Variants in DACH2 observed in about 807,000 individuals in gnomAD.
DACH2 encodes dachshund homolog 2.
Under a neutral mutation model 35.8 loss-of-function variants are expected in DACH2, and 17 were observed. The observed-to-expected ratio is 0.48, with a 90% CI of 0.33 to 0.71. The LOEUF (loss-of-function observed/expected upper bound fraction) is 0.71. Among genes scored for constraint, DACH2 ranks in the 30% least tolerant of loss-of-function variants. The pLI, the probability that DACH2 is intolerant of heterozygous loss-of-function variation, is 0.02. For synonymous variants in DACH2, 195 were observed against 177.3 expected, an observed-to-expected ratio of 1.10 and a Z score of -0.79; for missense variants, 469 against 472.7, an observed-to-expected ratio of 0.99 and a Z score of 0.07.
intron 1 of DACH2, among the ~76,000 whole-genome samples, chrX:86,312,063 G>A (rs1220700048): frequency 9.0e-6 from 1 of 111,583 alleles, no homozygotes; most frequent in Non-Finnish European, 1.9e-5. Context: ...CTTGCTGAAG[G>A]CAACAGGAAT....
chrX:86,381,051 A>G (rs2036039196), intron 2 of DACH2, among the ~76,000 whole-genome samples: 1 of 109,818 alleles, frequency 9.1e-6, no homozygotes, highest in African/African-American at 3.3e-5. Flanking sequence ...ACCGTGCTGT[A>G]ATGGTCATGT....
intron 1 of DACH2, among the ~76,000 whole-genome samples, chrX:86,245,942 C>T (rs951107600): frequency 1.2e-4 from 13 of 111,308 alleles, no homozygotes; most frequent in African/African-American, 6.5e-5. Flanking sequence ...TAAAATGTTA[C>T]AAGAGCTGCA....
intron 2 of DACH2, among the ~76,000 whole-genome samples, chrX:86,485,955 T>A (rs2038013343): frequency 1.8e-5 from 2 of 112,102 alleles, no homozygotes; most frequent in South Asian, 7.4e-4. Flanking sequence ...CACTACCTGC[T>A]GTGTGACCTT....
intron 6 of DACH2, among the ~76,000 whole-genome samples, chrX:86,722,889 CT>C (rs1602851926): frequency 1.8e-5 from 2 of 111,269 alleles, no homozygotes; most frequent in African/African-American, 6.5e-5. Flanking sequence ...TCCTCCTCAA[CT>C]TTTTGTAACA....
chrX:86,653,187 G>A (rs757653234), intron 4 of DACH2, among the ~76,000 whole-genome samples: 64 of 111,982 alleles, frequency 5.7e-4, no homozygotes, highest in African/African-American at 1.8e-3. Flanking sequence ...ATTGAATAGG[G>A]TGTCCTTTTC....
intron 3 of DACH2, among the ~76,000 whole-genome samples, chrX:86,545,336 T>A (rs2038942564): frequency 9.0e-6 from 1 of 111,000 alleles, no homozygotes; most frequent in Admixed American, 9.6e-5. Context: ...TAACTTACAA[T>A]TTGGAGCTGA....
chrX:86,624,047 C>CAAAAAAA (rs1466830603), intron 3 of DACH2, among the ~76,000 whole-genome samples: 3 of 16,339 alleles, frequency 1.8e-4, no homozygotes, highest in African/African-American at 5.7e-4. Context: ...AACTCCGTCT[C>CAAAAAAA]AAAAAAACAA....
chrX:86,401,517 G>T (rs775959598), intron 2 of DACH2, among the ~76,000 whole-genome samples: 1 of 111,682 alleles, frequency 9.0e-6, no homozygotes, highest in Non-Finnish European at 1.9e-5. Flanking sequence ...GGCCATCTTG[G>T]CTCCACCTAT....
intron 3 of DACH2, among the ~76,000 whole-genome samples, chrX:86,641,904 AT>A (rs2040351458): frequency 8.9e-6 from 1 of 111,904 alleles, no homozygotes; most frequent in African/African-American, 3.2e-5. Flanking sequence ...AGATAAGCAA[AT>A]TTTGAGGGAC....
intron 1 of DACH2, among the ~76,000 whole-genome samples, chrX:86,283,613 C>A (rs1157997328): frequency 9.3e-6 from 1 of 107,944 alleles, no homozygotes; most frequent in Non-Finnish European, 1.9e-5. Context: ...TCATTCTCAG[C>A]AAACTAACAC....
chrX:86,649,494 G>A (rs2040453863), intron 3 of DACH2, among the ~76,000 whole-genome samples: 1 of 110,768 alleles, frequency 9.0e-6, no homozygotes, highest in Admixed American at 9.7e-5. Context: ...CCCTTTGGGA[G>A]CTGAATGGGT....
At chrX:86,177,649 G>C (rs1184430443) in intron 1 of DACH2, among the ~76,000 whole-genome samples, 3 of 110,897 alleles carry the variant, frequency 2.7e-5, no homozygotes, top group African/African-American at 9.8e-5. Flanking sequence ...AGGAGGTTTT[G>C]GTCAGCATTT....
At chrX:86,531,602 T>G (rs989944101) in intron 3 of DACH2, among the ~76,000 whole-genome samples, 2 of 112,696 alleles carry the variant, frequency 1.8e-5, no homozygotes, top group Non-Finnish European at 3.8e-5. Context: ...TCAGAACTTC[T>G]GCCTAGATTT....
At chrX:86,360,485 G>A (rs1397407530) in intron 1 of DACH2, among the ~76,000 whole-genome samples, 4 of 111,259 alleles carry the variant, frequency 3.6e-5, no homozygotes, top group Non-Finnish European at 5.7e-5. Context: ...AGAAAATAAG[G>A]TCATTGAATT....
At chrX:86,614,220 A>G (rs1272484249) in intron 3 of DACH2, among the ~76,000 whole-genome samples, 1 of 111,622 alleles carries the variant, frequency 9.0e-6, no homozygotes, top group Non-Finnish European at 1.9e-5. Flanking sequence ...TTGAACTATA[A>G]TTATGTCAAG....
At position 86,160,658 on chromosome X, in the gene DACH2, C is replaced by T. The variant is rs183691861; in HGVS notation, c.488+11550C>T. On this transcript the variant is annotated intron_variant, in intron 1 of 11. Coordinates refer to ENST00000373125, the MANE Select transcript of DACH2 (RefSeq NM_053281.3). ...GCTGTCACCAGCAATGTTGCCACAACGAACATCCTTGACAGACACATTCTT... is the reference window on the plus strand; with the variant it reads ...GCTGTCACCAGCAATGTTGCCACAATGAACATCCTTGACAGACACATTCTT... 4 of 498,870 alleles carry T rather than the reference C, an allele frequency of 8.0e-6. No individual in the cohort carries two copies. In the East Asian group the frequency reaches 1.1e-4, roughly 13 times the overall value. The allele number at this position is 498,870 out of a possible 1,213,427, so 41.1% of individuals were successfully genotyped here.
At chrX:86,625,492 G>C (rs974439923) in intron 3 of DACH2, among the ~76,000 whole-genome samples, 15 of 110,667 alleles carry the variant, frequency 1.4e-4, no homozygotes, top group African/African-American at 4.3e-4. Flanking sequence ...ATAGTAATAT[G>C]CTCCACAGAA....
chrX:86,714,764 G>A, intron 6 of DACH2, 44 bp downstream of exon 6: 7 of 1,056,433 alleles, frequency 6.6e-6, no homozygotes, highest in Non-Finnish European at 8.8e-6. Flanking sequence ...TCAATTTCAT[G>A]CAAATTTTGA....
At chrX:86,471,749 G>A (rs1031010067) in intron 2 of DACH2, among the ~76,000 whole-genome samples, 3 of 111,242 alleles carry the variant, frequency 2.7e-5, no homozygotes, top group Non-Finnish European at 5.7e-5. Context: ...TCCGATTTAA[G>A]TAAAGACTTT....
Sources: allele counts gnomAD v4.1 joint callset (sites outside exome capture counted in the v4.1 genomes callset), GRCh38; gene constraint gnomAD v4.1.1; transcripts MANE v1.5; gene names NCBI Gene and HGNC (gene_info 2026-07-23, HGNC 2026-07-21).